Variants in SDK2 observed in about 807,000 individuals in gnomAD.
The protein encoded by SDK2 is sidekick cell adhesion molecule 2.
In SDK2, 105 loss-of-function variants were observed where a neutral mutation model predicts 253.9. The ratio of observed to expected loss-of-function variants is 0.41; its 90% CI spans 0.35 to 0.49. The LOEUF is 0.49. Ranked by LOEUF, SDK2 falls within the 20% of genes least tolerant of loss-of-function variation. SDK2 has a pLI of 0.06. For synonymous variants in SDK2, 1,249 were observed against 1,234.9 expected (o/e 1.01, Z -0.24); for missense variants, 2,608 against 3,003.0 (o/e 0.87, Z 3.07).
chr17:73,532,240 T>C (rs938303000), intron 1 of SDK2, among the ~76,000 whole-genome samples: 1 of 112,544 alleles, frequency 8.9e-6, no homozygotes, highest in Non-Finnish European at 1.6e-5. Context: ...CAGCACGGAA[T>C]GTCAACTGTG....
In SDK2 at chr17:73,481,861, G is replaced by C. The variant is rs1371613815; in HGVS notation, c.225-9643C>G. On this transcript the variant is annotated intron_variant, in intron 2 of 44. Coordinates refer to ENST00000392650, the MANE Select transcript of SDK2 (RefSeq NM_001144952.2). The surrounding 1 kb of genome is among the most constrained non-coding windows in gnomAD (Gnocchi z 4.5). ...GTTTCCAGCTTGCAGGCGGCAGTTGGTGTTCTTGGCTGGCCTCCATAACCA... is the reference window on the plus strand; with the variant it reads ...GTTTCCAGCTTGCAGGCGGCAGTTGCTGTTCTTGGCTGGCCTCCATAACCA... 6.6e-6 allele frequency among the ~76,000 whole-genome samples: 1 copy of C among 152,178 alleles called. No homozygotes were observed. Among genetic ancestry groups the C allele is most frequent in the African/African-American group, 2.4e-5 (1 of 41,444 alleles).
In SDK2 at chr17:73,350,387, G is replaced by A. The variant is rs747154765; in HGVS notation, c.5900-12C>T. On this transcript the variant is annotated splice_polypyrimidine_tract_variant and intron_variant, in intron 42 of 44. Coordinates refer to ENST00000392650, the MANE Select transcript of SDK2 (RefSeq NM_001144952.2). The stretch of plus-strand genomic sequence containing the variant: ...CTTGGCACTGTTCCCTGAAGTCGGC[G>A]GGAGATTGACACCCTTTAGACTGTG... 2.4e-5 allele frequency: 38 copies of A among 1,611,276 alleles called. No homozygotes were observed. Among genetic ancestry groups the A allele is most frequent in the Middle Eastern group, 1.6e-4 (1 of 6,072 alleles).
intron 36 of SDK2, among the ~76,000 whole-genome samples, chr17:73,375,230 CTTTTTTTTTTTTTTTTTTT>C (rs33992958): frequency 3.4e-5 from 2 of 58,578 alleles, no homozygotes; most frequent in South Asian, 9.1e-4. Flanking sequence ...TCCTAACAAC[CTTTTTTTTTTTTTTTTTTT>C]TTTTTTTTTT....
chr17:73,409,751 G>C (rs1490334538), intron 18 of SDK2, among the ~76,000 whole-genome samples: 1 of 152,026 alleles, frequency 6.6e-6, no homozygotes, highest in Non-Finnish European at 1.5e-5. Context: ...AGAAGCAGAG[G>C]AAAAAAATCT....
Position 73,368,393 on chromosome 17 carries a change from GC to G in SDK2, c.5167+13del. 2 of 1,496,860 alleles carry G rather than the reference GC, an allele frequency of 1.3e-6. No individual in the cohort carries two copies. Among genetic ancestry groups the G allele is most frequent in the Non-Finnish European group, 8.9e-7 (1 of 1,119,244 alleles). 92.7% of individuals were successfully genotyped at this position (1,496,860 alleles called of 1,614,324 possible). A position where few individuals can be genotyped will look rare whatever the true frequency, so the allele number is the denominator to read the frequency against. ...CCGACCTACCCCTCCCCTCCTCAGG[GC>G]CCCCTCTCCCACCTGCTTGCTGGGT... is the stretch of plus-strand genomic sequence containing the variant. On this transcript the variant is annotated intron_variant, in intron 37 of 44. Transcript: ENST00000392650.
chr17:73,559,773 T>C (rs1227728436), intron 1 of SDK2, among the ~76,000 whole-genome samples: 1 of 152,166 alleles, frequency 6.6e-6, no homozygotes, highest in African/African-American at 2.4e-5. Flanking sequence ...CAAGTGCCCC[T>C]AATGCCTGTG....
At chr17:73,524,435 G>T (rs1599647637) in intron 1 of SDK2, among the ~76,000 whole-genome samples, 1 of 152,186 alleles carries the variant, frequency 6.6e-6, no homozygotes, top group African/African-American at 2.4e-5. Flanking sequence ...GGTGGGCTGG[G>T]GATGAAGGTG....
chr17:73,545,650 G>A (rs888580307), intron 1 of SDK2, among the ~76,000 whole-genome samples: 1 of 152,004 alleles, frequency 6.6e-6, no homozygotes, highest in Non-Finnish European at 1.5e-5. Context: ...GGACAGCACC[G>A]CCATTTCCAG....
intron 2 of SDK2, among the ~76,000 whole-genome samples, chr17:73,472,905 T>C (rs1161573059): frequency 1.3e-5 from 2 of 152,208 alleles, no homozygotes; most frequent in African/African-American, 2.4e-5. Flanking sequence ...CTGCCATCCA[T>C]GTAAGATGTG....
chr17:73,586,605 G>C (rs992340826), intron 1 of SDK2, among the ~76,000 whole-genome samples: 2 of 151,918 alleles, frequency 1.3e-5, no homozygotes, highest in African/African-American at 4.8e-5. Context: ...GACTGCAGGG[G>C]GTGGGTGGGT....
intron 1 of SDK2, among the ~76,000 whole-genome samples, chr17:73,562,220 G>A (rs1046447880): frequency 1.3e-5 from 2 of 152,164 alleles, no homozygotes; most frequent in Non-Finnish European, 2.9e-5. Context: ...GTTACAAAAA[G>A]ACACGCTCCA....
intron 2 of SDK2, among the ~76,000 whole-genome samples, chr17:73,486,610 TA>T (rs34896987): frequency 0.33 from 32,053 of 96,326 alleles, 4,195 homozygotes; most frequent in East Asian, 0.49. Context: ...ACTCTGCTTC[TA>T]AAAAAAAAAA....
At chr17:73,483,689 ATATATATATATATATATATTTTTT>A (rs2063750804) in intron 2 of SDK2, among the ~76,000 whole-genome samples, 2 of 67,800 alleles carry the variant, frequency 2.9e-5, no homozygotes, top group African/African-American at 1.2e-4. Flanking sequence ...ATATTTATAT[ATATATATATATATATATATTTTTT>A]TTTTTTTTTA....
chr17:73,540,447 A>G (rs780113993), intron 1 of SDK2, among the ~76,000 whole-genome samples: 2 of 152,222 alleles, frequency 1.3e-5, no homozygotes, highest in Non-Finnish European at 2.9e-5. Context: ...TGCTGTCGCA[A>G]TGAGACTACT....
At chr17:73,505,349 G>A (rs1393653556) in intron 2 of SDK2, among the ~76,000 whole-genome samples, 1 of 152,146 alleles carries the variant, frequency 6.6e-6, no homozygotes, top group Non-Finnish European at 1.5e-5. Context: ...GTAAAATGGG[G>A]GGAAATAACT....
At position 73,361,482 on chromosome 17, in the gene SDK2, G is replaced by A. The variant is rs2062639470; in HGVS notation, c.5467+202C>T. On this transcript the variant is annotated intron_variant, in intron 39 of 44. Coordinates refer to ENST00000392650, the MANE Select transcript of SDK2 (RefSeq NM_001144952.2). This position sits in a 1 kb window ranked among gnomAD's most constrained non-coding sequence, Gnocchi z 4.1. ...GCTGCTCCAGGGTTTGTGGCTTGAGGAACCTGAGGACACATTAATCAAAGC... is the reference window on the plus strand; with the variant it reads ...GCTGCTCCAGGGTTTGTGGCTTGAGAAACCTGAGGACACATTAATCAAAGC... 6.6e-6 allele frequency among the ~76,000 whole-genome samples: 1 copy of A among 152,138 alleles called. No individual in the cohort carries two copies. Among genetic ancestry groups the A allele is most frequent in the South Asian group, 2.1e-4 (1 of 4,830 alleles).
chr17:73,502,053 G>C (rs1341979983), intron 2 of SDK2, among the ~76,000 whole-genome samples: 1 of 150,340 alleles, frequency 6.7e-6, no homozygotes, highest in Non-Finnish European at 1.5e-5. Context: ...TACTCAGAAG[G>C]GTGCACAGGC....
intron 1 of SDK2, among the ~76,000 whole-genome samples, chr17:73,563,039 GCT>G (rs1567844699): frequency 2.0e-5 from 3 of 152,178 alleles, no homozygotes; most frequent in African/African-American, 7.2e-5. Context: ...GGACAGCTCC[GCT>G]CTGATACCGC....
intron 2 of SDK2, among the ~76,000 whole-genome samples, chr17:73,474,719 C>T (rs780175665): frequency 3.3e-5 from 5 of 152,086 alleles, no homozygotes; most frequent in African/African-American, 9.7e-5. Context: ...TCTCCCGAGG[C>T]GAGGGGAGGC....
Sources: gnomAD v4.1 joint callset for allele counts (sites outside exome capture counted in the v4.1 genomes callset) on GRCh38, gnomAD v4.1.1 for gene constraint, Gnocchi (gnomAD v3.1) non-coding constraint, MANE v1.5 for transcripts, NCBI Gene and HGNC (gene_info 2026-07-23, HGNC 2026-07-21) for gene names.